RGSL1: variants seen among roughly 807,000 people sequenced by gnomAD.
RGSL1 encodes regulator of G protein signaling protein-like.
Under a neutral mutation model 124.7 loss-of-function variants are expected in RGSL1, and 97 were observed. That is an observed-to-expected ratio of 0.78 (90% CI 0.66 to 0.92). RGSL1 has a LOEUF of 0.92. Among genes scored for constraint, RGSL1 ranks in the 40% least tolerant of loss-of-function variants. The pLI, the probability that RGSL1 is intolerant of heterozygous loss-of-function variation, is 0.00. For missense variants in RGSL1, 1,233 were observed against 1,288.4 expected (o/e 0.96, Z 0.66); for synonymous variants, 424 against 438.1 (o/e 0.97, Z 0.40).
intron 2 of RGSL1, among the ~76,000 whole-genome samples, chr1:182,457,294 G>A (rs61808194): frequency 6.6e-6 from 1 of 152,058 alleles, no homozygotes; most frequent in Admixed American, 6.6e-5. Context: ...TATAAATGTC[G>A]GGTAGTGAAA....
At chr1:182,454,584 G>T (rs1259998106) in intron 2 of RGSL1, among the ~76,000 whole-genome samples, 4 of 106,600 alleles carry the variant, frequency 3.8e-5, no homozygotes, top group African/African-American at 8.8e-5. Context: ...CTCTTGAGTT[G>T]TATGTGTGTG....
chr1:182,527,770 C>G lies in RGSL1; in HGVS notation c.2123C>G (p.Pro708Arg), dbSNP rs2102258810. ...IKTFFQGQLS[P>R]EEMLQCDAPI... ...ACTTTCTTCCAAGGCCAACTCTCTC[C>G]TGGTATGCATCCTCTTCTGATCCTG... The change falls in exon 11 of 22, where the codon CCT becomes CGT. Residue 708 changes from proline (P) to arginine (R), a missense_variant and splice_region_variant. By Grantham distance (103) the Pro-to-Arg change is moderately radical (BLOSUM62 -2). Coordinates refer to ENST00000294854, the MANE Select transcript of RGSL1 (RefSeq NM_001137669.2). The G allele has an allele frequency of 6.5e-7, 1 of 1,548,306 alleles. No homozygotes were observed. The highest frequency in any genetic ancestry group is 2.4e-5 in the East Asian group (1 of 40,872).
chr1:182,515,608 G>A (rs931624053), intron 9 of RGSL1, among the ~76,000 whole-genome samples: 1 of 152,032 alleles, frequency 6.6e-6, no homozygotes, highest in African/African-American at 2.4e-5. Flanking sequence ...GAGCAAATGG[G>A]TTCCTTTAAT....
intron 9 of RGSL1, chr1:182,507,080 C>T (rs1190691357): frequency 6.7e-6 from 1 of 149,938 alleles, no homozygotes; most frequent in Admixed American, 6.7e-5. Flanking sequence ...AACTCCACCT[C>T]CCGGGTTCAA....
chr1:182,536,853 T>C (rs1659578176), intron 14 of RGSL1, among the ~76,000 whole-genome samples: 1 of 152,064 alleles, frequency 6.6e-6, no homozygotes, highest in East Asian at 1.9e-4. Flanking sequence ...GATTCAATTA[T>C]CTCCCACCAG....
chr1:182,496,529 G>A (rs912864966), intron 9 of RGSL1, among the ~76,000 whole-genome samples: 3 of 152,040 alleles, frequency 2.0e-5, no homozygotes, highest in Non-Finnish European at 2.9e-5. Context: ...AGAAATTTAC[G>A]GATCTATTTC....
At chr1:182,509,764 G>C (rs1261563492) in intron 9 of RGSL1, among the ~76,000 whole-genome samples, 1 of 135,004 alleles carries the variant, frequency 7.4e-6, no homozygotes, top group Non-Finnish European at 1.6e-5. Flanking sequence ...CCGGGTGGGG[G>C]GGCTGACCCC....
At chr1:182,473,510 C>A in intron 5 of RGSL1, 65 bp from the exon 6 acceptor site, 1 of 1,454,630 alleles carries the variant, frequency 6.9e-7, no homozygotes, top group Non-Finnish European at 9.1e-7. Flanking sequence ...AAAAACCTCT[C>A]CAACACCATC....
chr1:182,488,852 A>T, intron 7 of RGSL1, 128 bp from the exon 8 acceptor site: 1 of 695,986 alleles, frequency 1.4e-6, no homozygotes, highest in Non-Finnish European at 2.4e-6. Context: ...AATGGTTCTT[A>T]ACAACTGAAA....
intron 9 of RGSL1, among the ~76,000 whole-genome samples, chr1:182,493,461 G>C (rs570539846): frequency 3.5e-4 from 53 of 152,248 alleles, no homozygotes; most frequent in Non-Finnish European, 5.7e-4. Context: ...ATTTGTGAAG[G>C]GATGTTTGTT....
At chr1:182,530,129 G>C in intron 11 of RGSL1, 115 bp from the exon 12 acceptor site, 2 of 691,916 alleles carry the variant, frequency 2.9e-6, no homozygotes, top group Non-Finnish European at 4.8e-6. Flanking sequence ...AGTCTAGCCA[G>C]ATTGAAAATG....
intron 4 of RGSL1, among the ~76,000 whole-genome samples, chr1:182,461,075 T>C (rs1053520094): frequency 6.6e-6 from 1 of 152,108 alleles, no homozygotes; most frequent in Non-Finnish European, 1.5e-5. Flanking sequence ...CCTCTCCCTC[T>C]AGCTGAAGTG....
chr1:182,557,140 G>T (rs2102346180), intron 21 of RGSL1, among the ~76,000 whole-genome samples: 1 of 152,300 alleles, frequency 6.6e-6, no homozygotes, highest in African/African-American at 2.4e-5. Flanking sequence ...GACTCTAGAG[G>T]AGGCTGAAAA....
chr1:182,528,810 G>A (rs1416344839), intron 11 of RGSL1, among the ~76,000 whole-genome samples: 1 of 152,146 alleles, frequency 6.6e-6, no homozygotes, highest in Non-Finnish European at 1.5e-5. Flanking sequence ...AGAAATACCT[G>A]AGACTGGGTA....
rs753988428 is a variant in RGSL1 at position 182,548,768 on chromosome 1, C to T, written c.2877C>T (p.Ser959=). ...TCACAGAGGGCTACCTAGATCGGAG[C>T]GTCTTCCATGGGGCTATCATGTCTG... ...AAITEGYLDR[S]VFHGAIMSVF... Residue 959 remains serine, a synonymous_variant, in exon 17 of 22, where the codon AGC becomes AGT. Coordinates refer to ENST00000294854, the MANE Select transcript of RGSL1 (RefSeq NM_001137669.2). 1.0e-5 allele frequency: 16 copies of T among 1,551,516 alleles called. No homozygotes were observed. Among genetic ancestry groups the T allele is most frequent in the Middle Eastern group, 3.3e-4 (2 of 6,012 alleles).
chr1:182,518,621 G>A (rs550481826), intron 9 of RGSL1, among the ~76,000 whole-genome samples: 4 of 152,102 alleles, frequency 2.6e-5, no homozygotes, highest in Non-Finnish European at 5.9e-5. Flanking sequence ...AACCCAAGAT[G>A]GTGGAGAAGC....
At chr1:182,540,479 G>T (rs1033200909) in intron 15 of RGSL1, 58 bp downstream of exon 15, 8 of 1,479,070 alleles carry the variant, frequency 5.4e-6, no homozygotes, top group African/African-American at 2.8e-5. Context: ...CCTTAGGACT[G>T]CCCAGCAGAA....
chr1:182,479,961 C>A (rs1654570773), intron 6 of RGSL1, among the ~76,000 whole-genome samples: 1 of 152,192 alleles, frequency 6.6e-6, no homozygotes, highest in Admixed American at 6.5e-5. Context: ...ACGCACCCAA[C>A]ATCATCACCT....
chr1:182,474,063 T>G lies in RGSL1; in HGVS notation c.952T>G (p.Ser318Ala), dbSNP rs1654077372. The change falls in exon 6 of 22, where the codon TCC (serine) becomes GCC (alanine). Residue 318 changes from serine (S) to alanine (A), a missense_variant. Physicochemically the swap from Ser to Ala is moderately conservative, Grantham distance 99 (BLOSUM62 1). Transcript: ENST00000294854. ...LEKDMHYAKI[S>A]SMENKAKSHL... ...AAAGGATATGCATTATGCAAAAATA[T>G]CCAGCATGGAGAATAAAGCCAAGAG... 1.3e-6 allele frequency: 2 copies of G among 1,551,764 alleles called. No individual in the cohort carries two copies. Among genetic ancestry groups the G allele is most frequent in the Admixed American group, 2.0e-5 (1 of 51,002 alleles).
Sources: allele counts gnomAD v4.1 joint callset (sites outside exome capture counted in the v4.1 genomes callset), GRCh38; gene constraint gnomAD v4.1.1; transcripts MANE v1.5; gene names NCBI Gene and HGNC (gene_info 2026-07-23, HGNC 2026-07-21).